Variants in RHPN1 observed in about 807,000 individuals in gnomAD.
The protein encoded by RHPN1 is rhophilin Rho GTPase binding protein 1, also known as rhophilin-1.
A neutral mutation model predicts 74.7 loss-of-function variants in RHPN1; 77 were observed. That is an observed-to-expected ratio of 1.03 (90% CI 0.86 to 1.25). RHPN1 has a LOEUF of 1.25. Ranked by LOEUF, RHPN1 falls within the 50% of genes most tolerant of loss-of-function variation. The pLI, the probability that RHPN1 is intolerant of heterozygous loss-of-function variation, is 0.00. For missense variants in RHPN1, 987 were observed against 932.2 expected (o/e 1.06, Z -0.77); for synonymous variants, 444 against 414.5 (o/e 1.07, Z -0.87).
chr8:143,383,074 C>T lies in RHPN1; in HGVS notation c.*423C>T. The T allele has an allele frequency of 2.3e-5, 5 of 219,634 alleles. No homozygotes were observed. The highest frequency in any genetic ancestry group is 5.3e-5 in the Admixed American group (1 of 18,754). 13.6% of individuals were successfully genotyped at this position (219,634 alleles called of 1,614,324 possible). On this transcript the variant is annotated 3_prime_UTR_variant, in exon 15 of 15. Coordinates refer to ENST00000289013, the MANE Select transcript of RHPN1 (RefSeq NM_052924.3). Reference sequence around the variant, plus strand: ...CTGCTGGGCACCCCTTCGCTCACTGCCCCTCCACCATGCAGCAGCCAGACA... The same window carrying T: ...CTGCTGGGCACCCCTTCGCTCACTGTCCCTCCACCATGCAGCAGCCAGACA...
At chr8:143,378,673 G>A (rs1176540941) in intron 5 of RHPN1, 23 bp from the exon 6 acceptor site, 3 of 1,589,126 alleles carry the variant, frequency 1.9e-6, no homozygotes, top group South Asian at 1.1e-5. Flanking sequence ...GGGCGGTGGG[G>A]CCCAGTGGCT....
chr8:143,374,440 G>C, intron 1 of RHPN1: 3 of 551,288 alleles, frequency 5.4e-6, no homozygotes, highest in Non-Finnish European at 6.9e-6. Flanking sequence ...AAATGGCCAG[G>C]TTGGCCACGC....
At chr8:143,368,314 C>T (rs1817606559), upstream of RHPN1, 1 of 153,576 alleles carries the variant, frequency 6.5e-6, no homozygotes, top group Non-Finnish European at 1.5e-5. Flanking sequence ...CTGGAGCCTC[C>T]GCTCCGCGGG....
chr8:143,374,289 C>T (rs1818067445), intron 1 of RHPN1: 6 of 985,450 alleles, frequency 6.1e-6, no homozygotes, highest in Non-Finnish European at 7.2e-6. Flanking sequence ...CAGCTTCATG[C>T]AGTGGTAGGT....
Position 143,372,217 on chromosome 8 carries a change from G to A in RHPN1, c.60+3170G>A, listed in dbSNP as rs189969787. 2.1e-3 allele frequency among the ~76,000 whole-genome samples: 327 copies of A among 152,266 alleles called. 2 individuals are homozygous for A. Among genetic ancestry groups the A allele is most frequent in the African/African-American group, 7.6e-3 (316 of 41,546 alleles). On this transcript the variant is annotated intron_variant, in intron 1 of 14. Coordinates refer to ENST00000289013, the MANE Select transcript of RHPN1 (RefSeq NM_052924.3). ...TTGCAGCGGGGCCTTTGCGGGGAGGGGGTGTAGCTGCGGTGGGTGGCACGG... is the reference window on the plus strand; with the variant it reads ...TTGCAGCGGGGCCTTTGCGGGGAGGAGGTGTAGCTGCGGTGGGTGGCACGG...
chr8:143,378,900 C>T lies in RHPN1; in HGVS notation c.585-12C>T. 1 of 1,584,804 alleles carries T rather than the reference C, an allele frequency of 6.3e-7. No homozygotes were observed. Among genetic ancestry groups the T allele is most frequent in the South Asian group, 1.2e-5 (1 of 86,672 alleles). ...CCGTGGGAACTCCACCCAGCCTGAC[C>T]CAACACTGCAGGTACGACTCGCTTA... On this transcript the variant is annotated splice_polypyrimidine_tract_variant and intron_variant, in intron 6 of 14. Coordinates refer to ENST00000289013, the MANE Select transcript of RHPN1 (RefSeq NM_052924.3).
chr8:143,372,848 T>C (rs1224812129), intron 1 of RHPN1, among the ~76,000 whole-genome samples: 1 of 30,028 alleles, frequency 3.3e-5, no homozygotes, highest in African/African-American at 1.7e-4. Flanking sequence ...CACAGGTGTC[T>C]GGGGGACAAT....
intron 1 of RHPN1, among the ~76,000 whole-genome samples, chr8:143,369,544 ACCT>A (rs1044623618): frequency 4.0e-5 from 6 of 151,874 alleles, no homozygotes; most frequent in African/African-American, 1.5e-4. Context: ...CACTTCCCAA[ACCT>A]CCTTCCCTTC....
Position 143,377,390 on chromosome 8 carries a change from A to G in RHPN1, c.316A>G (p.Thr106Ala). Residue 106 changes from threonine to alanine, a missense_variant, in exon 4 of 15, where the codon ACT becomes GCT. By Grantham distance (58) the Thr-to-Ala change is moderately conservative. Coordinates refer to ENST00000289013, the MANE Select transcript of RHPN1 (RefSeq NM_052924.3). ...TGCTTCTGGTTACAGCGAAGCTGTC[A>G]CTGTCCCCATGATCCCCCTGGGCCT... ...DPGRHGSEAV[T>A]VPMIPLGLKE... 1 of 1,613,228 alleles carries G rather than the reference A, an allele frequency of 6.2e-7. No homozygotes were observed. The highest frequency in any genetic ancestry group is 8.5e-7 in the Non-Finnish European group (1 of 1,179,410).
At chr8:143,376,717 A>G (rs1250443594) in intron 3 of RHPN1, 64 bp downstream of exon 3, 8 of 1,496,390 alleles carry the variant, frequency 5.3e-6, no homozygotes, top group Non-Finnish European at 7.2e-6. Context: ...GTGTGTGTGC[A>G]TGTGTGTGCA....
At chr8:143,372,031 G>A (rs1031882393) in intron 1 of RHPN1, among the ~76,000 whole-genome samples, 8 of 152,192 alleles carry the variant, frequency 5.3e-5, no homozygotes, top group South Asian at 2.1e-4. Context: ...GGAGCACTGC[G>A]GGTAGGGAGG....
chr8:143,380,168 G>T lies in RHPN1; in HGVS notation c.1209G>T (p.Arg403Ser). 6.5e-7 allele frequency: 1 copy of T among 1,541,190 alleles called. No homozygotes were observed. ...PVLPQELEER[R>S]QLGKAHLKRA... ...TGCCGCAGGAGCTGGAGGAGCGCAGGCAGCTTGGTAAGGCGCCCATGGGTG... is the reference window on the plus strand; with the variant it reads ...TGCCGCAGGAGCTGGAGGAGCGCAGTCAGCTTGGTAAGGCGCCCATGGGTG... Residue 403 changes from arginine to serine, a missense_variant, in exon 10 of 15, where the codon AGG becomes AGT. Coordinates refer to ENST00000289013, the MANE Select transcript of RHPN1 (RefSeq NM_052924.3).
chr8:143,382,325 A>C, intron 14 of RHPN1, 111 bp from the exon 15 acceptor site: 1 of 938,652 alleles, frequency 1.1e-6, no homozygotes, highest in South Asian at 1.6e-5. Context: ...CCCCCAAACA[A>C]GCCCCCGACG....
In RHPN1 at chr8:143,369,017, G is replaced by C. The variant is rs1234062880; in HGVS notation, c.30G>C (p.Ala10=). Residue 10 remains alanine, a synonymous_variant, in exon 1 of 15, where the codon GCG becomes GCC. Coordinates refer to ENST00000289013, the MANE Select transcript of RHPN1 (RefSeq NM_052924.3). MILEERPDG[A]GAGEESPRLQ... is the part of the protein sequence containing the mutation. ...TCCTGGAGGAGAGGCCGGACGGCGC[G>C]GGCGCCGGCGAGGAGAGCCCGCGGC... 1.3e-6 allele frequency: 2 copies of C among 1,496,026 alleles called. No individual in the cohort carries two copies. The highest frequency in any genetic ancestry group is 1.8e-6 in the Non-Finnish European group (2 of 1,130,484). The allele number at this position is 1,496,026 out of a possible 1,614,324, so 92.7% of individuals were successfully genotyped here.
At position 143,381,715 on chromosome 8, in the gene RHPN1, C is replaced by T. The variant is rs752811992; in HGVS notation, c.1632C>T (p.Ala544=). The change falls in exon 13 of 15, where the codon GCC becomes GCT. Residue 544 remains alanine (A), a synonymous_variant. Transcript: ENST00000289013. ...LIAAVIPGSQ[A]AAAGLKEGDY... ...CTGCCGTCATTCCAGGGAGCCAGGC[C>T]GCGGTAAGGGCCCCGCCGGCCCCCT... 1.2e-4 allele frequency: 196 copies of T among 1,609,630 alleles called. 2 individuals carry two copies. Among genetic ancestry groups the T allele is most frequent in the South Asian group, 7.8e-4 (71 of 90,636 alleles).
At chr8:143,376,896 C>T (rs371924826) in intron 3 of RHPN1, among the ~76,000 whole-genome samples, 1 of 48,920 alleles carries the variant, frequency 2.0e-5, no homozygotes, top group Non-Finnish European at 4.6e-5. Context: ...GTGCATGCGT[C>T]TGTGTGCGCG....
intron 1 of RHPN1, among the ~76,000 whole-genome samples, chr8:143,375,053 G>A (rs1818121852): frequency 6.6e-6 from 1 of 152,184 alleles, no homozygotes; most frequent in Admixed American, 6.5e-5. Context: ...AGAGCCTCAG[G>A]GACCCTGTCC....
At chr8:143,366,001 CAA>C (rs530970414), upstream of RHPN1, among the ~76,000 whole-genome samples, 26 of 74,824 alleles carry the variant, frequency 3.5e-4, no homozygotes, top group Admixed American at 4.9e-4. Context: ...CACCCTGTCT[CAA>C]AAAAAAAAAA....
chr8:143,382,902 C>T lies in RHPN1; in HGVS notation c.*251C>T, dbSNP rs1020816277. 4 of 550,420 alleles carry T rather than the reference C, an allele frequency of 7.3e-6. No homozygotes were observed. Among genetic ancestry groups the T allele is most frequent in the Non-Finnish European group, 1.3e-5 (4 of 306,574 alleles). The allele number at this position is 550,420 out of a possible 1,614,324, so 34.1% of individuals were successfully genotyped here. A position where few individuals can be genotyped will look rare whatever the true frequency, so the allele number is the denominator to read the frequency against. ...TCTGAGGTCAGCTTCCTGGGGCTGC[C>T]CCACCCTGAGGGCTCCTTACAGGGT... On this transcript the variant is annotated 3_prime_UTR_variant, in exon 15 of 15. Coordinates refer to ENST00000289013, the MANE Select transcript of RHPN1 (RefSeq NM_052924.3).
Sources: gnomAD v4.1 joint callset for allele counts (sites outside exome capture counted in the v4.1 genomes callset) on GRCh38, gnomAD v4.1.1 for gene constraint, MANE v1.5 for transcripts, NCBI Gene and HGNC (gene_info 2026-07-23, HGNC 2026-07-21) for gene names.